The following NARS2 variants were observed in gnomAD, a reference collection of about 807,000 sequenced individuals.
NARS2 encodes the protein asparaginyl-tRNA synthetase.
Under a neutral mutation model 62.9 loss-of-function variants are expected in NARS2, and 60 were observed. The observed-to-expected ratio is 0.95, with a 90% CI of 0.77 to 1.18. NARS2 has a LOEUF of 1.18. NARS2 is among the 50% of genes most tolerant of loss of function. The pLI, the probability that NARS2 is intolerant of heterozygous loss-of-function variation, is 0.00. For missense variants in NARS2, 619 were observed against 576.4 expected, an observed-to-expected ratio of 1.07 and a Z score of -0.76; for synonymous variants, 196 against 200.0, an observed-to-expected ratio of 0.98 and a Z score of 0.17.
chr11:78,568,156 C>G (rs550541773), intron 3 of NARS2, among the ~76,000 whole-genome samples: 2 of 152,274 alleles, frequency 1.3e-5, no homozygotes, highest in African/African-American at 4.8e-5. Context: ...TCTGTGCTAT[C>G]CAATATAGTA....
intron 11 of NARS2, among the ~76,000 whole-genome samples, chr11:78,452,450 C>G (rs1033026584): frequency 2.0e-5 from 3 of 151,994 alleles, no homozygotes; most frequent in African/African-American, 7.2e-5. Flanking sequence ...CTCTGCCACT[C>G]AGGCTGGAGT....
chr11:78,553,970 G>A (rs1381427459), intron 5 of NARS2, among the ~76,000 whole-genome samples: 1 of 152,162 alleles, frequency 6.6e-6, no homozygotes, highest in Admixed American at 6.5e-5. Flanking sequence ...CTAGCCAGTT[G>A]TCCCAGCACC....
intron 4 of NARS2, among the ~76,000 whole-genome samples, chr11:78,562,890 A>G (rs1856601928): frequency 6.6e-6 from 1 of 152,238 alleles, no homozygotes; most frequent in Middle Eastern, 3.2e-3. Context: ...ACAAAACTGA[A>G]ACTTACGAAA....
chr11:78,568,772 G>A lies in NARS2; in HGVS notation c.252-20C>T. 6.5e-7 allele frequency: 1 copy of A among 1,542,572 alleles called. No homozygotes were observed. On this transcript the variant is annotated intron_variant, in intron 2 of 13. Transcript: ENST00000281038. ...AATTCTCTATAGTAACAAAAAACAA[G>A]ATAAACAAGATATCATTATATACAA...
intron 5 of NARS2, among the ~76,000 whole-genome samples, chr11:78,544,712 T>C (rs1016664134): frequency 1.4e-5 from 2 of 142,098 alleles, no homozygotes; most frequent in African/African-American, 5.3e-5. Context: ...GAGAACGGCG[T>C]GAACCTGGGA....
intron 10 of NARS2, among the ~76,000 whole-genome samples, chr11:78,467,889 C>T (rs751585981): frequency 6.6e-6 from 1 of 151,962 alleles, no homozygotes; most frequent in Non-Finnish European, 1.5e-5. Flanking sequence ...TCTCTGTCAC[C>T]TAGGCTGGAG....
chr11:78,499,641 G>T (rs1222467101), intron 6 of NARS2, among the ~76,000 whole-genome samples: 1 of 152,192 alleles, frequency 6.6e-6, no homozygotes, highest in Non-Finnish European at 1.5e-5. Flanking sequence ...TAGAGCGGGT[G>T]AACTGCTCTA....
In NARS2 at chr11:78,465,924, T is replaced by C. The variant is rs1555014681; in HGVS notation, c.1116A>G (p.Thr372=). Residue 372 remains threonine (T), a synonymous_variant, in exon 11 of 14, where the codon ACA becomes ACG. Transcript: ENST00000281038. ...IPVFVINYPL[T]LKPFYMRDNE... ...TATCCCTCATGTAGAAAGGCTTGAG[T>C]GTTAATGGATAATTAATAACGAAGA... is the stretch of plus-strand genomic sequence containing the variant. 1 of 1,614,024 alleles carries C rather than the reference T, an allele frequency of 6.2e-7. No homozygotes were observed. The highest frequency in any genetic ancestry group is 1.1e-5 in the South Asian group (1 of 91,076).
intron 2 of NARS2, among the ~76,000 whole-genome samples, chr11:78,571,115 G>C (rs1856906754): frequency 6.6e-6 from 1 of 152,176 alleles, no homozygotes; most frequent in South Asian, 2.1e-4. Context: ...TGAAGCATAA[G>C]TAGGGGATAT....
chr11:78,574,017 G>A (rs149937296), intron 1 of NARS2, among the ~76,000 whole-genome samples: 20 of 152,322 alleles, frequency 1.3e-4, no homozygotes, highest in Admixed American at 2.0e-4. Flanking sequence ...AAGGAGGGAG[G>A]TCAAGACAAC....
chr11:78,445,857 A>G (rs1156514081), intron 11 of NARS2, among the ~76,000 whole-genome samples: 1 of 152,080 alleles, frequency 6.6e-6, no homozygotes, highest in Non-Finnish European at 1.5e-5. Context: ...CTACTTGTCA[A>G]ACTGAGGCAG....
chr11:78,520,012 C>G (rs1380893829), intron 6 of NARS2, among the ~76,000 whole-genome samples: 1 of 151,714 alleles, frequency 6.6e-6, no homozygotes, highest in Non-Finnish European at 1.5e-5. Context: ...GTTTCTTGGT[C>G]AAACAGTTAT....
At chr11:78,445,535 T>C (rs1027727268) in intron 11 of NARS2, among the ~76,000 whole-genome samples, 2 of 152,162 alleles carry the variant, frequency 1.3e-5, no homozygotes, top group African/African-American at 4.8e-5. Context: ...GCACGAAGAA[T>C]TGCTTGAACT....
chr11:78,445,104 G>A (rs1857712733), intron 11 of NARS2, among the ~76,000 whole-genome samples: 1 of 152,154 alleles, frequency 6.6e-6, no homozygotes, highest in Non-Finnish European at 1.5e-5. Flanking sequence ...GAGATGTTGT[G>A]TTGCTACTGT....
chr11:78,465,764 TATC>T (rs1277201711), intron 11 of NARS2, 109 bp downstream of exon 11: 2 of 1,230,386 alleles, frequency 1.6e-6, no homozygotes, highest in Admixed American at 4.7e-5. Flanking sequence ...TGAAAAACAT[TATC>T]ATTTTAAGAG....
In NARS2 at chr11:78,466,998, A is replaced by G. The variant is rs116047753; in HGVS notation, c.1027-985T>C. ...GAGAAAAAGAAATGAAAACTTACAC[A>G]AAGAATTGATCATAAATATAACAAA... On this transcript the variant is annotated intron_variant, in intron 10 of 13. Transcript: ENST00000281038. Among the ~76,000 whole-genome samples, 293 of 152,348 alleles carry G rather than the reference A, an allele frequency of 1.9e-3. 3 individuals are homozygous for G. The highest frequency in any genetic ancestry group is 6.9e-3 in the African/African-American group (286 of 41,574).
intron 7 of NARS2, among the ~76,000 whole-genome samples, chr11:78,483,832 A>G (rs182385078): frequency 1.3e-5 from 2 of 152,340 alleles, no homozygotes; most frequent in African/African-American, 4.8e-5. Flanking sequence ...TAATTTATAG[A>G]TTCAATGCTA....
Position 78,574,346 on chromosome 11 carries a change from A to G in NARS2, c.141+2T>C, listed in dbSNP as rs1590884985. The G allele has an allele frequency of 6.2e-7, 1 of 1,614,120 alleles. No individual in the cohort carries two copies. The highest frequency in any genetic ancestry group is 8.5e-7 in the Non-Finnish European group (1 of 1,180,022). ...AAACCCACTCCCTTCCCATTCACCA[A>G]CCTGGATCTTAATGCGCTCCCCACT... On this transcript the variant is annotated splice_donor_variant, in intron 1 of 13. Coordinates refer to ENST00000281038, the MANE Select transcript of NARS2 (RefSeq NM_024678.6). LOFTEE classifies it high-confidence loss of function.
At chr11:78,551,996 C>G (rs576964187) in intron 5 of NARS2, among the ~76,000 whole-genome samples, 35 of 152,148 alleles carry the variant, frequency 2.3e-4, no homozygotes, top group South Asian at 2.1e-3. Flanking sequence ...AATAAAAACC[C>G]CTACATTCAT....
Sources: gnomAD v4.1 joint callset for allele counts (sites outside exome capture counted in the v4.1 genomes callset) on GRCh38, gnomAD v4.1.1 for gene constraint, MANE v1.5 for transcripts, NCBI Gene and HGNC (gene_info 2026-07-23, HGNC 2026-07-21) for gene names.